POM121C: variants seen among roughly 807,000 people sequenced by gnomAD.
POM121C encodes the protein POM121 transmembrane nucleoporin C.
A neutral mutation model predicts 66.4 loss-of-function variants in POM121C; 20 were observed. That is an observed-to-expected ratio of 0.30 (90% CI 0.21 to 0.44). POM121C has a LOEUF of 0.44. Among genes scored for constraint, POM121C ranks in the 20% least tolerant of loss-of-function variants. The pLI is 1.00. For missense variants in POM121C, 580 were observed against 1,225.7 expected (o/e 0.47, Z 7.87); for synonymous variants, 286 against 528.0 (o/e 0.54, Z 6.28).
intron 7 of POM121C, among the ~76,000 whole-genome samples, 180 bp downstream of exon 7, chr7:75,437,335 G>C (rs1248894929): frequency 6.6e-6 from 1 of 152,102 alleles, no homozygotes; most frequent in Non-Finnish European, 1.5e-5. Flanking sequence ...AGATTCTTTT[G>C]TACAGACAAG....
chr7:75,465,914 AAAAAAAAAAAG>A (rs1791626589), intron 3 of POM121C, among the ~76,000 whole-genome samples: 4 of 148,328 alleles, frequency 2.7e-5, no homozygotes, highest in South Asian at 2.1e-4. Context: ...AAAAAAAAAA[AAAAAAAAAAAG>A]GTGTGTGACT....
chr7:75,421,193 C>T, intron 13 of POM121C: 1 of 660,394 alleles, frequency 1.5e-6, no homozygotes. Flanking sequence ...CCAGGCTGGT[C>T]TTGAACTCCT....
At chr7:75,439,273 T>C (rs1779340857) in intron 5 of POM121C, 49 bp from the exon 6 acceptor site, 2 of 1,610,942 alleles carry the variant, frequency 1.2e-6, no homozygotes, top group Non-Finnish European at 1.7e-6. Context: ...ACTTTGTTTG[T>C]CCCTTTAAAG....
At chr7:75,458,929 G>A (rs1791348035) in intron 3 of POM121C, among the ~76,000 whole-genome samples, 1 of 151,970 alleles carries the variant, frequency 6.6e-6, no homozygotes, top group African/African-American at 2.4e-5. Flanking sequence ...AATGGCCCAA[G>A]AAGTAATTAT....
intron 3 of POM121C, among the ~76,000 whole-genome samples, chr7:75,462,190 G>A (rs1204650670): frequency 1.3e-5 from 2 of 149,216 alleles, no homozygotes; most frequent in Non-Finnish European, 3.0e-5. Flanking sequence ...TGCTGTTCTC[G>A]TGATAGTGAG....
chr7:75,484,040 T>C (rs1249683042), intron 1 of POM121C, among the ~76,000 whole-genome samples: 2 of 151,414 alleles, frequency 1.3e-5, no homozygotes, highest in Admixed American at 1.3e-4. Context: ...AGGTGGAGGT[T>C]GCAGTGAAGC....
At chr7:75,452,492 T>A (rs1376278582) in intron 3 of POM121C, among the ~76,000 whole-genome samples, 1 of 152,174 alleles carries the variant, frequency 6.6e-6, no homozygotes, top group Non-Finnish European at 1.5e-5. Flanking sequence ...AGTTTGTTAA[T>A]CAATATTAGT....
intron 3 of POM121C, among the ~76,000 whole-genome samples, chr7:75,452,013 A>C (rs1234435246): frequency 6.6e-6 from 1 of 150,518 alleles, no homozygotes; most frequent in Admixed American, 6.6e-5. Flanking sequence ...AAAATATAAA[A>C]ATTAGCCTGG....
In POM121C at chr7:75,417,643, C is replaced by T. The variant is rs1181461910; in HGVS notation, c.*1153G>A. 2 of 985,356 alleles carry T rather than the reference C, an allele frequency of 2.0e-6. No individual in the cohort carries two copies. Among genetic ancestry groups the T allele is most frequent in the African/African-American group, 3.5e-5 (2 of 57,194 alleles). 61.0% of individuals were successfully genotyped at this position (985,356 alleles called of 1,614,324 possible). A position where few individuals can be genotyped will look rare whatever the true frequency, so the allele number is the denominator to read the frequency against. On this transcript the variant is annotated 3_prime_UTR_variant, in exon 15 of 15. Coordinates refer to ENST00000615331, the MANE Select transcript of POM121C (RefSeq NM_001099415.3). ...ATTAATTTAGGTTTTCTAACATCTA[C>T]TTTGGGTGACGTAGCCTCCAGTGAG... is the stretch of plus-strand genomic sequence containing the variant.
chr7:75,447,318 C>T (rs2116433975), intron 3 of POM121C, among the ~76,000 whole-genome samples: 1 of 151,268 alleles, frequency 6.6e-6, no homozygotes, highest in East Asian at 1.9e-4. Context: ...TATAAACCCA[C>T]AGACCTGAAG....
intron 3 of POM121C, among the ~76,000 whole-genome samples, chr7:75,447,460 A>G (rs1281893437): frequency 1.3e-5 from 2 of 150,316 alleles, no homozygotes; most frequent in Non-Finnish European, 3.0e-5. Flanking sequence ...CACAGGAACA[A>G]AGATAAGAAT....
intron 14 of POM121C, among the ~76,000 whole-genome samples, 199 bp downstream of exon 14, chr7:75,419,121 C>G (rs1789587689): frequency 6.6e-6 from 1 of 152,334 alleles, no homozygotes; most frequent in South Asian, 2.1e-4. Context: ...CCATGGGAGG[C>G]AAACTTCCAC....
intron 1 of POM121C, among the ~76,000 whole-genome samples, chr7:75,475,434 T>C (rs1258692428): frequency 2.4e-4 from 37 of 152,124 alleles, no homozygotes; most frequent in Non-Finnish European, 4.9e-4. Flanking sequence ...GGATATGAGA[T>C]GAGTGAAACA....
intron 3 of POM121C, chr7:75,442,368 G>A (rs1348462493): frequency 4.9e-6 from 7 of 1,436,292 alleles, no homozygotes; most frequent in African/African-American, 1.5e-5. Flanking sequence ...AGTTCGGCAG[G>A]GTCAGGTCCT....
rs376022014 is a variant in POM121C at position 75,421,883 on chromosome 7, G to A, written c.2369C>T (p.Ser790Leu). 7.7e-5 allele frequency: 124 copies of A among 1,612,156 alleles called. No individual in the cohort carries two copies. Among genetic ancestry groups the A allele is most frequent in the Non-Finnish European group, 8.4e-5 (99 of 1,179,600 alleles). Reference protein sequence around the residue: ...TASAFGAPASSQPAFGGSTAV... With the variant: ...TASAFGAPASLQPAFGGSTAV... Reference sequence around the variant, plus strand: ...AGTGGAGCCGCCAAAGGCGGGCTGTGAGCTGGCGGGAGCGCCGAAGGCGGA... The same window carrying A: ...AGTGGAGCCGCCAAAGGCGGGCTGTAAGCTGGCGGGAGCGCCGAAGGCGGA... Residue 790 changes from serine to leucine, a missense_variant, in exon 13 of 15, where the codon TCA becomes TTA. Coordinates refer to ENST00000615331, the MANE Select transcript of POM121C (RefSeq NM_001099415.3).
rs1336986307 is a variant in POM121C at position 75,478,586 on chromosome 7, A to C, written c.-457-3398T>G. On this transcript the variant is annotated intron_variant, in intron 1 of 14. Transcript: ENST00000615331. ...AAAAAAATCAAGACAGGCAAGATGT[A>C]AAAAAGACCCACGCTAACCTTCTAC... Among the ~76,000 whole-genome samples, 45 of 152,010 alleles carry C rather than the reference A, an allele frequency of 3.0e-4. 1 individual carries two copies. The highest frequency in any genetic ancestry group is 9.7e-4 in the African/African-American group (40 of 41,426).
At chr7:75,477,401 G>A (rs1348618416) in intron 1 of POM121C, among the ~76,000 whole-genome samples, 2 of 152,020 alleles carry the variant, frequency 1.3e-5, no homozygotes, top group African/African-American at 2.4e-5. Context: ...TGGTCAACAT[G>A]GTGAAACCCT....
intron 3 of POM121C, among the ~76,000 whole-genome samples, chr7:75,448,023 CA>C (rs3973313): frequency 0.014 from 1,355 of 98,332 alleles, 6 homozygotes; most frequent in Middle Eastern, 0.039. Flanking sequence ...GACTCCGTCT[CA>C]AAAAAAAAAA....
intron 1 of POM121C, among the ~76,000 whole-genome samples, chr7:75,482,061 G>A (rs1301394839): frequency 1.3e-5 from 2 of 151,706 alleles, no homozygotes; most frequent in Non-Finnish European, 2.9e-5. Flanking sequence ...TAGACTTCCA[G>A]ATCAAACTAC....
Sources: gnomAD v4.1 joint callset for allele counts (sites outside exome capture counted in the v4.1 genomes callset) on GRCh38, gnomAD v4.1.1 for gene constraint, MANE v1.5 for transcripts, NCBI Gene and HGNC (gene_info 2026-07-23, HGNC 2026-07-21) for gene names.